The following CAP2 variants were observed in gnomAD, a reference collection of about 807,000 sequenced individuals.
CAP2 encodes adenylyl cyclase-associated protein 2.
In CAP2, 24 loss-of-function variants were observed where a neutral mutation model predicts 57.7. The ratio of observed to expected loss-of-function variants is 0.42; its 90% CI spans 0.30 to 0.58. The LOEUF is 0.58. Ranked by LOEUF, CAP2 falls within the 20% of genes least tolerant of loss-of-function variation. CAP2 has a pLI of 0.22. For synonymous variants in CAP2, 194 were observed against 207.2 expected, an observed-to-expected ratio of 0.94 and a Z score of 0.55; for missense variants, 501 against 590.3, an observed-to-expected ratio of 0.85 and a Z score of 1.57.
At chr6:17,484,554 CA>C (rs1390121132) in intron 4 of CAP2, among the ~76,000 whole-genome samples, 1 of 152,214 alleles carries the variant, frequency 6.6e-6, no homozygotes, top group Non-Finnish European at 1.5e-5. Flanking sequence ...GTAAACACCT[CA>C]CTTTTCATCT....
Position 17,556,497 on chromosome 6 carries a change from A to C in CAP2, c.*55A>C. On this transcript the variant is annotated 3_prime_UTR_variant, in exon 13 of 13. Transcript: ENST00000229922. ...AATCCCCCTCTATCAAACAAACAAA[A>C]AAGCAGCAGTAAAGAGCTAGAAGTT... The C allele has an allele frequency of 1.6e-6, 2 of 1,284,438 alleles. No individual in the cohort carries two copies. The highest frequency in any genetic ancestry group is 2.3e-6 in the Non-Finnish European group (2 of 879,358). 79.6% of individuals were successfully genotyped at this position (1,284,438 alleles called of 1,614,324 possible). A position where few individuals can be genotyped will look rare whatever the true frequency, so the allele number is the denominator to read the frequency against.
At chr6:17,485,543 C>T (rs988835745) in intron 4 of CAP2, among the ~76,000 whole-genome samples, 1 of 152,186 alleles carries the variant, frequency 6.6e-6, no homozygotes, top group African/African-American at 2.4e-5. Context: ...ACTCCCACCT[C>T]CCACCCACTC....
At position 17,511,448 on chromosome 6, in the gene CAP2, CTCTT is replaced by C. The variant is rs749531884; in HGVS notation, c.531-2395_531-2392del. ...GCTTGACTGCTCATTGGCTGTTTTT[CTCTT>C]TCTTTTTTATTTTTTTTGATACAGA... On this transcript the variant is annotated intron_variant, in intron 6 of 12. Transcript: ENST00000229922. Among the ~76,000 whole-genome samples, 46 of 148,328 alleles carry C rather than the reference CTCTT, an allele frequency of 3.1e-4. No homozygotes were observed. In the East Asian group the frequency reaches 7.8e-3, roughly 25 times the overall value.
intron 7 of CAP2, among the ~76,000 whole-genome samples, chr6:17,518,862 G>A (rs1762327921): frequency 6.6e-6 from 1 of 151,852 alleles, no homozygotes; most frequent in African/African-American, 2.4e-5. Flanking sequence ...GGTCTAGAAC[G>A]CCTCAGCTCA....
chr6:17,432,715 A>AC (rs965938019), intron 3 of CAP2, among the ~76,000 whole-genome samples: 8 of 65,606 alleles, frequency 1.2e-4, no homozygotes, highest in African/African-American at 3.3e-4. Context: ...CCACCCCTCC[A>AC]CCCCCTTGCT....
intron 4 of CAP2, among the ~76,000 whole-genome samples, chr6:17,491,510 A>G (rs1423017529): frequency 6.6e-6 from 1 of 152,242 alleles, no homozygotes; most frequent in Non-Finnish European, 1.5e-5. Context: ...TGTGTGTCAG[A>G]CATGATGCAC....
At chr6:17,512,471 G>A (rs1018840688) in intron 6 of CAP2, among the ~76,000 whole-genome samples, 12 of 152,072 alleles carry the variant, frequency 7.9e-5, no homozygotes, top group African/African-American at 2.7e-4. Context: ...ATACATGTGT[G>A]TTGTATGTAC....
At chr6:17,464,686 C>T (rs914267952) in intron 4 of CAP2, among the ~76,000 whole-genome samples, 3 of 152,170 alleles carry the variant, frequency 2.0e-5, no homozygotes, top group Admixed American at 1.3e-4. Context: ...CCTCCCTCCA[C>T]GTGAAAGGAG....
chr6:17,451,231 CAAA>C (rs35633911), intron 3 of CAP2, among the ~76,000 whole-genome samples: 24 of 146,660 alleles, frequency 1.6e-4, no homozygotes, highest in African/African-American at 5.9e-4. Flanking sequence ...ATCTTCTATC[CAAA>C]AAAAAAAAAT....
intron 1 of CAP2, among the ~76,000 whole-genome samples, chr6:17,412,815 G>A (rs1759173762): frequency 6.6e-6 from 1 of 152,182 alleles, no homozygotes; most frequent in Non-Finnish European, 1.5e-5. Context: ...GGGGGCAAAT[G>A]GGATGGCGAG....
chr6:17,452,396 C>T (rs1162092217), intron 3 of CAP2, among the ~76,000 whole-genome samples: 2 of 152,208 alleles, frequency 1.3e-5, no homozygotes, highest in Non-Finnish European at 2.9e-5. Context: ...TGGCTTACTT[C>T]TTTGTGCCAC....
chr6:17,547,867 A>T (rs904889137), intron 11 of CAP2, among the ~76,000 whole-genome samples: 11 of 151,260 alleles, frequency 7.3e-5, no homozygotes, highest in Non-Finnish European at 1.5e-4. Context: ...GTTCTAACCT[A>T]TGCAGTAAGA....
chr6:17,403,277 A>T (rs1040993172), intron 1 of CAP2, among the ~76,000 whole-genome samples: 1 of 152,066 alleles, frequency 6.6e-6, no homozygotes, highest in East Asian at 1.9e-4. Context: ...AATTTTTTGT[A>T]CTTTTAGTAG....
intron 6 of CAP2, among the ~76,000 whole-genome samples, chr6:17,510,895 C>T (rs11964687): frequency 9.8e-5 from 15 of 152,328 alleles, no homozygotes; most frequent in African/African-American, 3.4e-4. Flanking sequence ...TCCTGTCCTT[C>T]TCCCAGTCCC....
intron 4 of CAP2, among the ~76,000 whole-genome samples, chr6:17,500,368 T>TATATATATATATATATATTTGGAG (rs1561806361): frequency 1.5e-4 from 16 of 105,286 alleles, no homozygotes; most frequent in African/African-American, 6.5e-4. Context: ...TATATATATA[T>TATATATATATATATATATTTGGAG]ATATATATAT....
chr6:17,500,626 T>G (rs942542906), intron 4 of CAP2, among the ~76,000 whole-genome samples: 2 of 151,970 alleles, frequency 1.3e-5, no homozygotes, highest in African/African-American at 4.8e-5. Flanking sequence ...GGTTTAATAT[T>G]TTGTGACACA....
At position 17,556,421 on chromosome 6, in the gene CAP2, A is replaced by C. The variant is rs779989724; in HGVS notation, c.1413A>C (p.Glu471Asp). The stretch of plus-strand genomic sequence containing the variant: ...GGGATGGATCCAAGTTAATCACTGA[A>C]CCTGCAGAAATTATGGCCTAACTTC... ...TAWDGSKLIT[E>D]PAEIMA Residue 471 changes from glutamate (E) to aspartate (D), a missense_variant, in exon 13 of 13, where the codon GAA becomes GAC. Transcript: ENST00000229922. The C allele has an allele frequency of 3.1e-6, 5 of 1,613,212 alleles. No homozygotes were observed. The South Asian group carries it at 5.5e-5, about 18-fold the overall frequency.
chr6:17,399,207 C>T (rs1758747539), intron 1 of CAP2, among the ~76,000 whole-genome samples: 2 of 152,098 alleles, frequency 1.3e-5, no homozygotes, highest in Admixed American at 6.5e-5. Flanking sequence ...GGATTACAGG[C>T]GCTTGCCACC....
At chr6:17,423,668 G>A (rs1320854613) in intron 2 of CAP2, among the ~76,000 whole-genome samples, 1 of 152,002 alleles carries the variant, frequency 6.6e-6, no homozygotes, top group African/African-American at 2.4e-5. Context: ...ACTCAAAGAG[G>A]TACTAGATTG....
Sources: allele counts gnomAD v4.1 joint callset (sites outside exome capture counted in the v4.1 genomes callset), GRCh38; gene constraint gnomAD v4.1.1; transcripts MANE v1.5; gene names NCBI Gene and HGNC (gene_info 2026-07-23, HGNC 2026-07-21).